PPP1R16A: variants seen among roughly 807,000 people sequenced by gnomAD.
PPP1R16A encodes protein phosphatase 1 regulatory subunit 16A.
In PPP1R16A, 39 loss-of-function variants were observed where a neutral mutation model predicts 46.6. The observed-to-expected ratio is 0.84, with a 90% CI of 0.65 to 1.09. The LOEUF (loss-of-function observed/expected upper bound fraction) is 1.09, where lower values mean the gene tolerates loss of function less well. Ranked by LOEUF, PPP1R16A falls within the 50% of genes least tolerant of loss-of-function variation. The probability of loss-of-function intolerance (pLI) is 0.00; values close to 1 mark genes in which losing one functional copy is unlikely to be tolerated. For synonymous variants in PPP1R16A, 413 were observed against 321.5 expected, an observed-to-expected ratio of 1.28 and a Z score of -3.04; for missense variants, 798 against 735.6, an observed-to-expected ratio of 1.08 and a Z score of -0.98.
At chr8:144,499,756 C>T in intron 5 of PPP1R16A, 1 of 297,698 alleles carries the variant, frequency 3.4e-6, no homozygotes, top group Non-Finnish European at 6.4e-6. Flanking sequence ...AGCAGCCCCT[C>T]AGCGTGGCTG....
Position 144,500,425 on chromosome 8 carries a change from G to A in PPP1R16A, c.705+34G>A. 3.3e-6 allele frequency: 5 copies of A among 1,522,198 alleles called. No homozygotes were observed. The South Asian group carries it at 4.9e-5, about 15-fold the overall frequency. The allele number at this position is 1,522,198 out of a possible 1,614,324, so 94.3% of individuals were successfully genotyped here. A position where few individuals can be genotyped will look rare whatever the true frequency, so the allele number is the denominator to read the frequency against. The stretch of plus-strand genomic sequence containing the variant: ...TGGGGGGTGAGGGGCACACGGGGCT[G>A]GGGGCCTCGCTACTTGGAGGTGGGG... On this transcript the variant is annotated intron_variant, in intron 7 of 11. Coordinates refer to ENST00000435887, the MANE Select transcript of PPP1R16A (RefSeq NM_001329443.2).
rs908561037 is a variant in PPP1R16A, at chr8:144,500,481, C to G, written c.706-6C>G. The G allele has an allele frequency of 3.2e-6, 5 of 1,576,490 alleles. No individual in the cohort carries two copies. The Admixed American group carries it at 8.9e-5, about 28-fold the overall frequency. ...GGCCGAATTCAGGCCGGGCGCTTGC[C>G]TGCAGCTGCACGTCGCAGCCGCCAA... On this transcript the variant is annotated splice_polypyrimidine_tract_variant and splice_region_variant and intron_variant, in intron 7 of 11. Transcript: ENST00000435887.
Position 144,497,114 on chromosome 8 carries a change from C to A in PPP1R16A, c.-81C>A, listed in dbSNP as rs141236578. 7,039 of 1,518,800 alleles carry A rather than the reference C, an allele frequency of 4.6e-3. 21 individuals are homozygous for A. Among genetic ancestry groups the A allele is most frequent in the Non-Finnish European group, 5.7e-3 (6,485 of 1,133,106 alleles). 94.1% of individuals were successfully genotyped at this position (1,518,800 alleles called of 1,614,324 possible). A position where few individuals can be genotyped will look rare whatever the true frequency, so the allele number is the denominator to read the frequency against. On this transcript the variant is annotated 5_prime_UTR_variant, in exon 3 of 12. Transcript: ENST00000435887. ...CCGAGGGTGCCAGTCCAGCTAGCTGCCCCACCCCTCAGGCCCAGCCTGGCC... is the reference window on the plus strand; with the variant it reads ...CCGAGGGTGCCAGTCCAGCTAGCTGACCCACCCCTCAGGCCCAGCCTGGCC...
At chr8:144,499,605 A>ATT in intron 5 of PPP1R16A, 1 of 181,380 alleles carries the variant, frequency 5.5e-6, no homozygotes, top group Non-Finnish European at 1.2e-5. Flanking sequence ...CGGTCGCGTC[A>ATT]CACACAGGCG....
intron 1 of PPP1R16A, among the ~76,000 whole-genome samples, chr8:144,489,576 G>T (rs1250709489): frequency 6.6e-6 from 1 of 152,086 alleles, no homozygotes; most frequent in Non-Finnish European, 1.5e-5. Context: ...TAATGCTGGG[G>T]CCTCCCTCCC....
In PPP1R16A at chr8:144,493,048, G is replaced by A. The variant is rs1033705866; in HGVS notation, c.-735+2836G>A. 2.6e-5 allele frequency among the ~76,000 whole-genome samples: 4 copies of A among 152,124 alleles called. No individual in the cohort carries two copies. The highest frequency in any genetic ancestry group is 5.9e-5 in the Non-Finnish European group (4 of 67,980). ...CCTGAGGCAGTGATGGGAGTAGAGA[G>A]GGCACTGAGGCTCTCGGGCCTGGAG... is the stretch of plus-strand genomic sequence containing the variant. On this transcript the variant is annotated intron_variant, in intron 2 of 11. Coordinates refer to ENST00000435887, the MANE Select transcript of PPP1R16A (RefSeq NM_001329443.2). This position sits in a 1 kb window ranked among gnomAD's most constrained non-coding sequence, Gnocchi z 4.3.
intron 1 of PPP1R16A, among the ~76,000 whole-genome samples, chr8:144,481,888 C>T (rs1015287329): frequency 6.6e-6 from 1 of 152,098 alleles, no homozygotes; most frequent in African/African-American, 2.4e-5. Flanking sequence ...AGCAATTCTC[C>T]TGCCTCAGCC....
chr8:144,485,730 T>A (rs1312897414), intron 1 of PPP1R16A, among the ~76,000 whole-genome samples: 1 of 152,118 alleles, frequency 6.6e-6, no homozygotes, highest in Non-Finnish European at 1.5e-5. Context: ...TGTGTGTGTG[T>A]GGTTTAGTTC....
Position 144,502,070 on chromosome 8 carries a change from C to G in PPP1R16A, c.*167C>G, listed in dbSNP as rs1349357883. 3.1e-6 allele frequency: 2 copies of G among 638,630 alleles called. No homozygotes were observed. Among genetic ancestry groups the G allele is most frequent in the Non-Finnish European group, 5.0e-6 (2 of 396,164 alleles). The allele number at this position is 638,630 out of a possible 1,614,324, so 39.6% of individuals were successfully genotyped here. A position where few individuals can be genotyped will look rare whatever the true frequency, so the allele number is the denominator to read the frequency against. On this transcript the variant is annotated 3_prime_UTR_variant, in exon 12 of 12. Transcript: ENST00000435887. ...ACATGCCTGGAGGGATGTCTGGCTG[C>G]AAAGACTATTTTTATCCTGCAACTC...
At chr8:144,498,893 C>G in intron 4 of PPP1R16A, 23 bp from the exon 5 acceptor site, 7 of 1,612,494 alleles carry the variant, frequency 4.3e-6, no homozygotes, top group Non-Finnish European at 5.9e-6. Context: ...GTGCTCTGGT[C>G]GCTCACGTGG....
chr8:144,478,254 G>A (rs1049312425), intron 1 of PPP1R16A, 127 bp downstream of exon 1: 4 of 385,924 alleles, frequency 1.0e-5, no homozygotes, highest in Non-Finnish European at 1.8e-5. Context: ...AGGCCGGGCC[G>A]GGGAAGGATG....
chr8:144,500,873 G>A lies in PPP1R16A; in HGVS notation c.939G>A (p.Lys313=), dbSNP rs934552099. Residue 313 remains lysine (K), a synonymous_variant, in exon 10 of 12, where the codon AAG becomes AAA. Transcript: ENST00000435887. ...DVCGDEEVRA[K]LLELKHKHDA... ...GCGGGGACGAGGAGGTGCGGGCCAA[G>A]CTGCTGGAGCTGAAGCACAAGCACG... 4.5e-6 allele frequency: 7 copies of A among 1,561,036 alleles called. 1 individual carries two copies. In the South Asian group the frequency reaches 5.9e-5, roughly 13 times the overall value.
rs548200227 is a variant in PPP1R16A at position 144,501,162 on chromosome 8, C to T, written c.1071C>T (p.Arg357=). The change falls in exon 11 of 12, where the codon CGC becomes CGT. Residue 357 remains arginine, a synonymous_variant. Transcript: ENST00000435887. The stretch of plus-strand genomic sequence containing the variant: ...TGAGGCGGGTGAGCCTAACCCAGCG[C>T]ACCGACCTGTACCGCAAGCAGCACG... ...KVVRRVSLTQ[R]TDLYRKQHAQ... 392 of 1,610,896 alleles carry T rather than the reference C, an allele frequency of 2.4e-4. 5 individuals carry two copies. The South Asian group carries it at 4.2e-3, about 17-fold the overall frequency.
chr8:144,501,566 G>A lies in PPP1R16A; in HGVS notation c.1250G>A (p.Gly417Asp). The change falls in exon 12 of 12, where the codon GGC becomes GAC. Residue 417 changes from glycine (G) to aspartate (D), a missense_variant. By Grantham distance (94) the Gly-to-Asp change is moderately conservative. Transcript: ENST00000435887. Reference protein sequence around the residue: ...VVRPHNGRVGGSPVRHLYSKR... With the variant: ...VVRPHNGRVGDSPVRHLYSKR... ...AGGCCGCACAATGGCCGAGTAGGGG[G>A]CTCCCCAGTGCGGCATCTATACTCC... 1 of 1,592,174 alleles carries A rather than the reference G, an allele frequency of 6.3e-7. No homozygotes were observed. The highest frequency in any genetic ancestry group is 1.1e-5 in the South Asian group (1 of 88,004).
At chr8:144,494,030 C>T (rs982524103) in intron 2 of PPP1R16A, among the ~76,000 whole-genome samples, 2 of 152,174 alleles carry the variant, frequency 1.3e-5, no homozygotes, top group Admixed American at 1.3e-4. Context: ...GGCGTTCCGT[C>T]GGGAGTGTGG....
At chr8:144,500,651 C>G (rs767271817) in intron 8 of PPP1R16A, 35 bp from the exon 9 acceptor site, 4 of 1,606,214 alleles carry the variant, frequency 2.5e-6, no homozygotes, top group South Asian at 1.1e-5. Context: ...GGGCTTCCAG[C>G]GCAGCAGTCT....
At position 144,497,374 on chromosome 8, in the gene PPP1R16A, C is replaced by T; in HGVS notation, c.180C>T (p.Ser60=). The stretch of plus-strand genomic sequence containing the variant: ...AGCGTCCCCGGAAGGAGGCAGCCAG[C>T]CAAGGGCTCCTGAAGCAGGTCCTCT... ...PGERPRKEAA[S]QGLLKQVLFP... Residue 60 remains serine (S), a synonymous_variant, in exon 3 of 12, where the codon AGC becomes AGT. Coordinates refer to ENST00000435887, the MANE Select transcript of PPP1R16A (RefSeq NM_001329443.2). 1.2e-6 allele frequency: 2 copies of T among 1,613,028 alleles called. No individual in the cohort carries two copies. Among genetic ancestry groups the T allele is most frequent in the Non-Finnish European group, 1.7e-6 (2 of 1,180,022 alleles).
In PPP1R16A at chr8:144,500,090, C is replaced by T; in HGVS notation, c.477-6C>T. ...GTGCCCAGCACCCCGTCCGTCTTCCCTGCAGTGGCGCCAATCTCCTGGCGG... is the reference window on the plus strand; with the variant it reads ...GTGCCCAGCACCCCGTCCGTCTTCCTTGCAGTGGCGCCAATCTCCTGGCGG... On this transcript the variant is annotated splice_region_variant and splice_polypyrimidine_tract_variant and intron_variant, in intron 5 of 11. Coordinates refer to ENST00000435887, the MANE Select transcript of PPP1R16A (RefSeq NM_001329443.2). 1 of 1,605,040 alleles carries T rather than the reference C, an allele frequency of 6.2e-7. No individual in the cohort carries two copies.
intron 1 of PPP1R16A, among the ~76,000 whole-genome samples, chr8:144,488,160 C>G (rs2130278655): frequency 6.6e-6 from 1 of 150,930 alleles, no homozygotes; most frequent in Admixed American, 6.6e-5. Context: ...AGAGAAAAGG[C>G]AAGGGAAGCT....
Sources: allele counts gnomAD v4.1 joint callset (sites outside exome capture counted in the v4.1 genomes callset), GRCh38; gene constraint gnomAD v4.1.1; non-coding constraint Gnocchi (gnomAD v3.1); transcripts MANE v1.5; gene names NCBI Gene and HGNC (gene_info 2026-07-23, HGNC 2026-07-21).